MACROD2: variants seen among roughly 807,000 people sequenced by gnomAD.
MACROD2 encodes ADP-ribose glycohydrolase MACROD2.
MACROD2 carries 36 observed loss-of-function variants against 70.4 expected under a neutral mutation model. The observed-to-expected ratio is 0.51, with a 90% CI of 0.39 to 0.68. MACROD2 has a LOEUF of 0.68. Ranked by LOEUF, MACROD2 falls within the 30% of genes least tolerant of loss-of-function variation. MACROD2 has a pLI of 0.00. For missense variants in MACROD2, 496 were observed against 538.4 expected, an observed-to-expected ratio of 0.92 and a Z score of 0.78; for synonymous variants, 172 against 178.8, an observed-to-expected ratio of 0.96 and a Z score of 0.30.
intron 3 of MACROD2, among the ~76,000 whole-genome samples, chr20:14,110,623 A>G (rs1220756912): frequency 6.6e-6 from 1 of 151,958 alleles, no homozygotes; most frequent in African/African-American, 2.4e-5. Flanking sequence ...AGGTAATCCC[A>G]TTTACAATAG....
intron 5 of MACROD2, among the ~76,000 whole-genome samples, chr20:15,006,944 G>GT (rs1183639414): frequency 2.0e-5 from 3 of 152,188 alleles, no homozygotes; most frequent in Non-Finnish European, 2.9e-5. Context: ...CAAAAAGAGT[G>GT]TTTTTTTAAA....
intron 3 of MACROD2, among the ~76,000 whole-genome samples, chr20:14,463,060 A>C (rs1407007221): frequency 6.6e-6 from 1 of 152,014 alleles, no homozygotes; most frequent in African/African-American, 2.4e-5. Flanking sequence ...AGTTTTTTCC[A>C]ATTCTGTGAA....
chr20:14,982,428 G>A (rs529591763), intron 5 of MACROD2, among the ~76,000 whole-genome samples: 10 of 152,144 alleles, frequency 6.6e-5, no homozygotes, highest in Non-Finnish European at 1.3e-4. Context: ...TGTCTCCAGG[G>A]CATGTCAGAG....
chr20:15,218,545 T>C (rs1042327710), intron 5 of MACROD2, among the ~76,000 whole-genome samples: 3 of 152,218 alleles, frequency 2.0e-5, no homozygotes, highest in African/African-American at 4.8e-5. Flanking sequence ...TGATGTCTTA[T>C]AGAATTCTTG....
At chr20:15,159,343 G>A (rs1002511844) in intron 5 of MACROD2, among the ~76,000 whole-genome samples, 5 of 151,984 alleles carry the variant, frequency 3.3e-5, no homozygotes, top group Admixed American at 2.6e-4. Context: ...TGTGTAGTCA[G>A]TTTTGTCAAA....
chr20:14,221,976 A>G (rs1201240172), intron 3 of MACROD2, among the ~76,000 whole-genome samples: 4 of 152,206 alleles, frequency 2.6e-5, no homozygotes, highest in Non-Finnish European at 5.9e-5. Context: ...AAAACAAACA[A>G]AACAAAACAG....
intron 8 of MACROD2, among the ~76,000 whole-genome samples, chr20:15,806,551 T>C (rs536812120): frequency 9.8e-5 from 15 of 152,316 alleles, no homozygotes; most frequent in African/African-American, 2.9e-4. Context: ...AGAGTGATCT[T>C]ACACACTGAT....
At chr20:15,615,561 T>G (rs1170401458) in intron 8 of MACROD2, among the ~76,000 whole-genome samples, 2 of 152,006 alleles carry the variant, frequency 1.3e-5, no homozygotes, top group African/African-American at 4.8e-5. Flanking sequence ...GAGCCGGCAC[T>G]CGATACTAGC....
At chr20:14,366,557 G>C (rs1223264587) in intron 3 of MACROD2, among the ~76,000 whole-genome samples, 1 of 150,786 alleles carries the variant, frequency 6.6e-6, no homozygotes, top group Non-Finnish European at 1.5e-5. Context: ...AGTAGAGATG[G>C]GGTTTCACCA....
At chr20:15,063,163 A>T (rs530580291) in intron 5 of MACROD2, among the ~76,000 whole-genome samples, 6 of 152,336 alleles carry the variant, frequency 3.9e-5, no homozygotes, top group Middle Eastern at 6.8e-3. Context: ...TCACAGGGCC[A>T]TGAACCATGA....
chr20:15,978,679 G>GT (rs1200392866), intron 13 of MACROD2, among the ~76,000 whole-genome samples: 2 of 151,976 alleles, frequency 1.3e-5, no homozygotes, highest in African/African-American at 4.8e-5. Flanking sequence ...GGATGAATGG[G>GT]TTTTTTCAAA....
At chr20:14,373,516 A>G (rs1056638856) in intron 3 of MACROD2, among the ~76,000 whole-genome samples, 1 of 151,982 alleles carries the variant, frequency 6.6e-6, no homozygotes, top group Admixed American at 6.6e-5. Flanking sequence ...ATCGTTTACT[A>G]TTTTTCTGCA....
At chr20:14,953,768 T>C (rs1169671733) in intron 5 of MACROD2, among the ~76,000 whole-genome samples, 1 of 152,170 alleles carries the variant, frequency 6.6e-6, no homozygotes, top group African/African-American at 2.4e-5. Flanking sequence ...AAGGACTTAT[T>C]GTTACTTCTG....
chr20:14,862,211 ATAT>A, intron 5 of MACROD2, among the ~76,000 whole-genome samples: 3 of 5,418 alleles, frequency 5.5e-4, no homozygotes, highest in African/African-American at 1.7e-3. Flanking sequence ...ATATAAATAT[ATAT>A]ATATATAAAT....
chr20:15,451,848 T>C (rs190459906), intron 7 of MACROD2, among the ~76,000 whole-genome samples: 112 of 152,260 alleles, frequency 7.4e-4, no homozygotes, highest in Middle Eastern at 3.4e-3. Context: ...AGGCCTTCCT[T>C]GGGGCCCACC....
chr20:14,606,311 T>C (rs1399849998), intron 4 of MACROD2, among the ~76,000 whole-genome samples: 1 of 152,032 alleles, frequency 6.6e-6, no homozygotes, highest in East Asian at 1.9e-4. Context: ...AGTTTTAGGG[T>C]TTTTTAATGT....
At chr20:14,746,027 A>C (rs570463049) in intron 5 of MACROD2, among the ~76,000 whole-genome samples, 79 of 152,248 alleles carry the variant, frequency 5.2e-4, no homozygotes, top group African/African-American at 1.8e-3. Context: ...CCCCGCCCCA[A>C]TGCTGCTCTC....
intron 5 of MACROD2, among the ~76,000 whole-genome samples, chr20:15,225,087 A>G (rs1260958780): frequency 6.7e-6 from 1 of 148,772 alleles, no homozygotes; most frequent in Non-Finnish European, 1.5e-5. Context: ...GCCATGTAGG[A>G]AAAAAATGCC....
chr20:14,505,609 A>G (rs2084960093), intron 4 of MACROD2, among the ~76,000 whole-genome samples: 1 of 152,226 alleles, frequency 6.6e-6, no homozygotes, highest in East Asian at 1.9e-4. Flanking sequence ...ATGCATCAGA[A>G]TTGCTTGGAG....
Sources: gnomAD v4.1 joint callset for allele counts (sites outside exome capture counted in the v4.1 genomes callset) on GRCh38, gnomAD v4.1.1 for gene constraint, MANE v1.5 for transcripts, NCBI Gene and HGNC (gene_info 2026-07-23, HGNC 2026-07-21) for gene names.